DLC1: variants seen among roughly 807,000 people sequenced by gnomAD.
The protein encoded by DLC1 is rho GTPase-activating protein 7.
In DLC1, 54 loss-of-function variants were observed where a neutral mutation model predicts 140.3. That is an observed-to-expected ratio of 0.38 (90% CI 0.31 to 0.48). DLC1 has a LOEUF of 0.48. Ranked by LOEUF, DLC1 falls within the 20% of genes least tolerant of loss-of-function variation. The pLI, the probability that DLC1 is intolerant of heterozygous loss-of-function variation, is 0.96. For missense variants in DLC1, 2,536 were observed against 1,907.0 expected, an observed-to-expected ratio of 1.33 and a Z score of -6.14; for synonymous variants, 986 against 728.1, an observed-to-expected ratio of 1.35 and a Z score of -5.70.
At chr8:13,557,728 G>A (rs922890564) in intron 1 of DLC1, 4 of 152,350 alleles carry the variant, frequency 2.6e-5, no homozygotes, top group Non-Finnish European at 4.4e-5. Context: ...AGGTGGAACT[G>A]TGAGTCAATT....
intron 1 of DLC1, chr8:13,558,357 T>A (rs1349601861): frequency 6.6e-6 from 1 of 152,092 alleles, no homozygotes; most frequent in African/African-American, 2.4e-5. Flanking sequence ...GTAGTTATGG[T>A]ATTTTGTGAC....
At position 13,084,146 on chromosome 8, in the gene DLC1, T is replaced by C. The variant is rs911248315; in HGVS notation, c.*1665A>G. The C allele has an allele frequency of 1.3e-5, 2 of 152,632 alleles. No individual in the cohort carries two copies. Among genetic ancestry groups the C allele is most frequent in the African/African-American group, 2.4e-5 (1 of 41,430 alleles). The allele number at this position is 152,632 out of a possible 1,614,324, so 9.5% of individuals were successfully genotyped here. A position where few individuals can be genotyped will look rare whatever the true frequency, so the allele number is the denominator to read the frequency against. ...ATAATAATCTTTATCATGCTTTATC[T>C]ATGTTTGAAAGCACAGTGGACATGT... On this transcript the variant is annotated 3_prime_UTR_variant, in exon 18 of 18. Transcript: ENST00000276297.
intron 5 of DLC1, among the ~76,000 whole-genome samples, chr8:13,157,339 A>G (rs560147907): frequency 6.6e-6 from 1 of 152,328 alleles, no homozygotes; most frequent in South Asian, 2.1e-4. Flanking sequence ...AAAAAGTGAA[A>G]TTGAGCCTTG....
rs150341753 is a variant in DLC1, at chr8:13,556,668, C to T, written c.-126+47869G>A. 8.6e-3 allele frequency among the ~76,000 whole-genome samples: 1,307 copies of T among 152,184 alleles called. 21 individuals carry two copies. Among genetic ancestry groups the T allele is most frequent in the African/African-American group, 0.029 (1,220 of 41,532 alleles). ...GGGCCTGATACAGACATAGGCTGGG[C>T]GCCTGACAGGACTGCTCTTTTCTGA... On this transcript the variant is annotated intron_variant, in intron 1 of 1. Coordinates refer to the DLC1 transcript ENST00000631382.
intron 5 of DLC1, among the ~76,000 whole-genome samples, chr8:13,212,878 C>A (rs1828013967): frequency 6.6e-6 from 1 of 152,186 alleles, no homozygotes; most frequent in Non-Finnish European, 1.5e-5. Context: ...TTGTTTCTAG[C>A]TTAAGCTTTC....
intron 5 of DLC1, among the ~76,000 whole-genome samples, chr8:13,273,325 C>T (rs2117391033): frequency 6.6e-6 from 1 of 152,308 alleles, no homozygotes; most frequent in South Asian, 2.1e-4. Flanking sequence ...CTGTCATCCT[C>T]AAAGTTCTAG....
In DLC1 at chr8:13,095,161, C is replaced by T. The variant is rs1387488432; in HGVS notation, c.3252G>A (p.Val1084=). ...GAGGCAACGGTTGTCCTGTGCGCTG[C>T]ACGTTGACCGTCAGTGGGACCCCAA... ...SVFGVPLTVN[V]QRTGQPLPQS... Residue 1084 remains valine, a synonymous_variant, in exon 11 of 18, where the codon GTG becomes GTA. Transcript: ENST00000276297. The T allele has an allele frequency of 6.2e-7, 1 of 1,614,252 alleles. No homozygotes were observed. Among genetic ancestry groups the T allele is most frequent in the Non-Finnish European group, 8.5e-7 (1 of 1,180,044 alleles).
chr8:13,579,049 A>AAG (rs1804948411), intron 1 of DLC1, among the ~76,000 whole-genome samples: 1 of 151,354 alleles, frequency 6.6e-6, no homozygotes, highest in Non-Finnish European at 1.5e-5. Flanking sequence ...ACTAGAACAA[A>AAG]AGAGACTCCT....
intron 14 of DLC1, among the ~76,000 whole-genome samples, chr8:13,090,833 T>A (rs1480159409): frequency 1.4e-5 from 2 of 145,514 alleles, no homozygotes; most frequent in African/African-American, 5.2e-5. Flanking sequence ...TGAGAGAGAG[T>A]TTCATTCTGT....
At chr8:13,131,719 C>A (rs867739459) in intron 5 of DLC1, among the ~76,000 whole-genome samples, 1 of 152,208 alleles carries the variant, frequency 6.6e-6, no homozygotes, top group Non-Finnish European at 1.5e-5. Context: ...TCCTCACAAC[C>A]TCCCCGCGCG....
intron 5 of DLC1, among the ~76,000 whole-genome samples, chr8:13,164,208 A>C (rs1247093704): frequency 1.3e-5 from 2 of 152,092 alleles, no homozygotes; most frequent in Non-Finnish European, 2.9e-5. Flanking sequence ...GAGGCAGGAT[A>C]ATCGTTTAAA....
chr8:13,329,605 G>T (rs752765274), intron 4 of DLC1, among the ~76,000 whole-genome samples: 1 of 152,136 alleles, frequency 6.6e-6, no homozygotes, highest in African/African-American at 2.4e-5. Context: ...GGGTGACTTG[G>T]TTTAGGGCTA....
chr8:13,405,881 TTTC>T (rs995993690), intron 2 of DLC1, among the ~76,000 whole-genome samples: 1 of 151,000 alleles, frequency 6.6e-6, no homozygotes, highest in Non-Finnish European at 1.5e-5. Context: ...TCTTTTTTCT[TTTC>T]TTTTCTTTCT....
intron 2 of DLC1, among the ~76,000 whole-genome samples, chr8:13,472,360 G>A (rs990353194): frequency 1.2e-4 from 18 of 152,146 alleles, no homozygotes; most frequent in African/African-American, 4.3e-4. Context: ...ATGAGTGAGG[G>A]AATGAGAAGG....
intron 2 of DLC1, among the ~76,000 whole-genome samples, chr8:13,478,875 A>G (rs1290717004): frequency 2.6e-5 from 4 of 152,222 alleles, no homozygotes; most frequent in African/African-American, 7.2e-5. Context: ...CACTGAAAAT[A>G]AGCAGATGCT....
chr8:13,303,013 A>G (rs928484517), intron 5 of DLC1, among the ~76,000 whole-genome samples: 1 of 152,224 alleles, frequency 6.6e-6, no homozygotes, highest in Non-Finnish European at 1.5e-5. Context: ...TTGAATTGTC[A>G]TATTTGTTAC....
intron 1 of DLC1, among the ~76,000 whole-genome samples, chr8:13,592,660 C>G (rs1163581646): frequency 2.0e-5 from 3 of 151,988 alleles, no homozygotes; most frequent in Non-Finnish European, 4.4e-5. Flanking sequence ...CAAGGTTTCC[C>G]CAGTAAGAGG....
rs183552547 is a variant in DLC1 at position 13,399,647 on chromosome 8, C to T, written c.1173+1823G>A. Among the ~76,000 whole-genome samples the T allele has an allele frequency of 2.5e-3, 376 of 152,232 alleles. 1 individual carries two copies. Among genetic ancestry groups the T allele is most frequent in the Admixed American group, 4.9e-3 (75 of 15,292 alleles). On this transcript the variant is annotated intron_variant, in intron 3 of 17. Transcript: ENST00000276297. ...CCAGGCTTGCAAAGGAGAAAACCAC[C>T]GGATCCTGGGCTGTGTCAATTCATC...
intron 5 of DLC1, among the ~76,000 whole-genome samples, chr8:13,156,163 C>A (rs771488936): frequency 4.6e-5 from 7 of 152,086 alleles, no homozygotes; most frequent in Admixed American, 1.3e-4. Context: ...TTATTCTTTT[C>A]TTTTGGGAAG....
Sources: allele counts gnomAD v4.1 joint callset (sites outside exome capture counted in the v4.1 genomes callset), GRCh38; gene constraint gnomAD v4.1.1; transcripts MANE v1.5; gene names NCBI Gene and HGNC (gene_info 2026-07-23, HGNC 2026-07-21).